MYL2: variants seen among roughly 807,000 people sequenced by gnomAD.
The protein encoded by MYL2 is myosin light chain 2.
A neutral mutation model predicts 23.0 loss-of-function variants in MYL2; 19 were observed. The ratio of observed to expected loss-of-function variants is 0.83; its 90% CI spans 0.58 to 1.21. The LOEUF is 1.21. MYL2 is among the 50% of genes most tolerant of loss of function. MYL2 has a pLI of 0.00. For synonymous variants in MYL2, 78 were observed against 76.2 expected, an observed-to-expected ratio of 1.02 and a Z score of -0.13; for missense variants, 180 against 215.1, an observed-to-expected ratio of 0.84 and a Z score of 1.02.
At chr12:110,913,665 T>C (rs2071669151) in intron 4 of MYL2, among the ~76,000 whole-genome samples, 1 of 152,216 alleles carries the variant, frequency 6.6e-6, no homozygotes, top group East Asian at 1.9e-4. Context: ...TCCTAGTTGC[T>C]ATTAAGTGGG....
rs936183503 is a variant in MYL2, at chr12:110,911,009, G to A, written c.*68C>T. On this transcript the variant is annotated 3_prime_UTR_variant, in exon 7 of 7. Coordinates refer to ENST00000228841, the MANE Select transcript of MYL2 (RefSeq NM_000432.4). The stretch of plus-strand genomic sequence containing the variant: ...CAAGGTAGGGACAGAGGCGGTACTC[G>A]GGGGAGAGAGATGAGGGCAGGGACC... 25 of 1,365,608 alleles carry A rather than the reference G, an allele frequency of 1.8e-5. No homozygotes were observed. Among genetic ancestry groups the A allele is most frequent in the Middle Eastern group, 3.6e-4 (2 of 5,630 alleles). 84.6% of individuals were successfully genotyped at this position (1,365,608 alleles called of 1,614,324 possible). A position where few individuals can be genotyped will look rare whatever the true frequency, so the allele number is the denominator to read the frequency against.
At position 110,914,297 on chromosome 12, in the gene MYL2, T is replaced by C. The variant is rs745773458; in HGVS notation, c.170-7A>G. 1.2e-6 allele frequency: 2 copies of C among 1,602,934 alleles called. No homozygotes were observed. The highest frequency in any genetic ancestry group is 1.1e-5 in the South Asian group (1 of 90,868). On this transcript the variant is annotated splice_polypyrimidine_tract_variant and splice_region_variant and intron_variant, in intron 3 of 6. Coordinates refer to ENST00000228841, the MANE Select transcript of MYL2 (RefSeq NM_000432.4). Reference sequence around the variant, plus strand: ...TTTTTCACGTTCACTCGCCCTAGGGTAGGAAACACACACTCAGGGACTCCG... The same window carrying C: ...TTTTTCACGTTCACTCGCCCTAGGGCAGGAAACACACACTCAGGGACTCCG...
chr12:110,919,217 A>G, intron 1 of MYL2, 24 bp from the exon 2 acceptor site: 1 of 1,605,586 alleles, frequency 6.2e-7, no homozygotes, highest in East Asian at 2.2e-5. Context: ...GCATCGATTA[A>G]AAGAGTGAGA....
chr12:110,918,975 G>A lies in MYL2; in HGVS notation c.93+129C>T, dbSNP rs2071702831. Reference sequence around the variant, plus strand: ...AAAAATTCACACATCCGTTCAGGCCGAATTTGGGATTGTTTGGAGGATAGA... The same window carrying A: ...AAAAATTCACACATCCGTTCAGGCCAAATTTGGGATTGTTTGGAGGATAGA... On this transcript the variant is annotated intron_variant, in intron 2 of 6. Transcript: ENST00000228841. This position sits in a 1 kb window ranked among gnomAD's most constrained non-coding sequence, Gnocchi z 4.4. 7.4e-6 allele frequency: 6 copies of A among 806,730 alleles called. No homozygotes were observed. Among genetic ancestry groups the A allele is most frequent in the South Asian group, 4.6e-5 (3 of 65,378 alleles). The allele number at this position is 806,730 out of a possible 1,614,324, so 50.0% of individuals were successfully genotyped here. A position where few individuals can be genotyped will look rare whatever the true frequency, so the allele number is the denominator to read the frequency against.
At chr12:110,919,948 A>C (rs1362912001) in intron 1 of MYL2, among the ~76,000 whole-genome samples, 1 of 152,172 alleles carries the variant, frequency 6.6e-6, no homozygotes, top group African/African-American at 2.4e-5. Context: ...CCAAGATCAC[A>C]CAGCCACACA....
intron 1 of MYL2, among the ~76,000 whole-genome samples, chr12:110,920,064 T>C (rs577454304): frequency 7.2e-5 from 11 of 152,224 alleles, no homozygotes; most frequent in Non-Finnish European, 4.4e-5. Context: ...CCTCCTGTGC[T>C]GACCCTGATT....
chr12:110,910,989 T>C lies in MYL2; in HGVS notation c.*88A>G, dbSNP rs2071645954. 8.3e-7 allele frequency: 1 copy of C among 1,200,128 alleles called. No individual in the cohort carries two copies. Among genetic ancestry groups the C allele is most frequent in the Non-Finnish European group, 1.2e-6 (1 of 805,858 alleles). 74.3% of individuals were successfully genotyped at this position (1,200,128 alleles called of 1,614,324 possible). ...GCAGCCACATGGCTAACAGACAAGG[T>C]AGGGACAGAGGCGGTACTCGGGGGA... is the stretch of plus-strand genomic sequence containing the variant. On this transcript the variant is annotated 3_prime_UTR_variant, in exon 7 of 7. Transcript: ENST00000228841.
chr12:110,913,297 T>C lies in MYL2; in HGVS notation c.302A>G (p.Asn101Ser), dbSNP rs886048960. ...TTCAGGGTCAAACACTTTGAATGCGTTGAGAATGGTTTCCTCAGGGTCCGC... is the reference window on the plus strand; with the variant it reads ...TTCAGGGTCAAACACTTTGAATGCGCTGAGAATGGTTTCCTCAGGGTCCGC... ...KGADPEETILNAFKVFDPEGK... is the reference protein window; with the variant it reads ...KGADPEETILSAFKVFDPEGK... The change falls in exon 5 of 7, where the codon AAC becomes AGC. Residue 101 changes from asparagine to serine, a missense_variant. Transcript: ENST00000228841. The C allele has an allele frequency of 1.9e-6, 3 of 1,614,204 alleles. No individual in the cohort carries two copies. The highest frequency in any genetic ancestry group is 2.2e-5 in the East Asian group (1 of 44,878).
chr12:110,914,030 T>C (rs1360902342), intron 4 of MYL2, among the ~76,000 whole-genome samples, 156 bp downstream of exon 4: 1 of 152,178 alleles, frequency 6.6e-6, no homozygotes, highest in African/African-American at 2.4e-5. Context: ...GTGCTGGGGA[T>C]TACAGGCATC....
chr12:110,913,205 C>A lies in MYL2; in HGVS notation c.353+41G>T, dbSNP rs201058436. ...GTGTGTGTGTAGGGGGGACAGGGGG[C>A]AAGCAGGGAACCCCCTTCCTCCCCC... On this transcript the variant is annotated intron_variant, in intron 5 of 6. Coordinates refer to ENST00000228841, the MANE Select transcript of MYL2 (RefSeq NM_000432.4). The A allele has an allele frequency of 4.2e-4, 675 of 1,606,546 alleles. 1 individual carries two copies. In the East Asian group the frequency reaches 6.9e-3, roughly 16 times the overall value.
At position 110,918,690 on chromosome 12, in the gene MYL2, G is replaced by A. The variant is rs947634817; in HGVS notation, c.93+414C>T. 2 of 167,950 alleles carry A rather than the reference G, an allele frequency of 1.2e-5. No individual in the cohort carries two copies. Among genetic ancestry groups the A allele is most frequent in the African/African-American group, 4.8e-5 (2 of 41,638 alleles). 10.4% of individuals were successfully genotyped at this position (167,950 alleles called of 1,614,324 possible). Reference sequence around the variant, plus strand: ...AAATACATGATAGGAAATGTTAATGGTGAATTTCTCAACGAAAAAAATGCA... The same window carrying A: ...AAATACATGATAGGAAATGTTAATGATGAATTTCTCAACGAAAAAAATGCA... On this transcript the variant is annotated intron_variant, in intron 2 of 6. Transcript: ENST00000228841. The surrounding 1 kb of genome is among the most constrained non-coding windows in gnomAD (Gnocchi z 4.4).
intron 4 of MYL2, among the ~76,000 whole-genome samples, chr12:110,913,699 A>T (rs2071669444): frequency 6.6e-6 from 1 of 152,190 alleles, no homozygotes; most frequent in Admixed American, 6.5e-5. Flanking sequence ...AGTGGTTAGC[A>T]TGAGGTCTGA....
At chr12:110,915,618 A>C (rs1033353005) in intron 3 of MYL2, 97 bp downstream of exon 3, 4 of 1,268,642 alleles carry the variant, frequency 3.2e-6, no homozygotes, top group Non-Finnish European at 4.6e-6. Flanking sequence ...TCTTTGGGAA[A>C]TGACACCATC....
rs763957786 is a variant in MYL2, at chr12:110,919,190, G to T, written c.7C>A (p.Pro3Thr). The T allele has an allele frequency of 6.2e-7, 1 of 1,613,178 alleles. No individual in the cohort carries two copies. The highest frequency in any genetic ancestry group is 8.5e-7 in the Non-Finnish European group (1 of 1,179,908). ...CCGGCTCTCTTCTTTGCTTTCTTAG[G>T]TGCCTGGGGGAAAAAAGCATCGATT... Reference protein sequence around the residue: MAPKKAKKRAGGA... With the variant: MATKKAKKRAGGA... Residue 3 changes from proline (P) to threonine (T), a missense_variant, in exon 2 of 7, where the codon CCT becomes ACT. Transcript: ENST00000228841.
intron 2 of MYL2, among the ~76,000 whole-genome samples, chr12:110,916,548 T>C (rs2136774923): frequency 6.6e-6 from 1 of 152,300 alleles, no homozygotes; most frequent in Admixed American, 6.5e-5. Flanking sequence ...AAAACATCAG[T>C]GAAAGAAGCC....
At chr12:110,919,243 A>C (rs2071705522) in intron 1 of MYL2, 50 bp from the exon 2 acceptor site, 2 of 1,529,540 alleles carry the variant, frequency 1.3e-6, no homozygotes, top group Admixed American at 1.7e-5. Flanking sequence ...GGAGTCAAAA[A>C]ACTAGGTCAG....
At chr12:110,917,364 C>T (rs956449399) in intron 2 of MYL2, among the ~76,000 whole-genome samples, 6 of 151,108 alleles carry the variant, frequency 4.0e-5, no homozygotes, top group Admixed American at 1.3e-4. Flanking sequence ...GAGGCCGAGG[C>T]GGAGGGATCA....
At chr12:110,915,625 C>T (rs2071683049) in intron 3 of MYL2, 90 bp downstream of exon 3, 15 of 1,320,502 alleles carry the variant, frequency 1.1e-5, no homozygotes, top group South Asian at 4.7e-5. Context: ...GAAATGACAC[C>T]ATCTTGAGCT....
At chr12:110,920,241 G>A (rs917184328) in intron 1 of MYL2, among the ~76,000 whole-genome samples, 3 of 152,180 alleles carry the variant, frequency 2.0e-5, no homozygotes, top group Non-Finnish European at 4.4e-5. Context: ...ATCCCATTTT[G>A]CAAGTCCTGG....
Sources: allele counts gnomAD v4.1 joint callset (sites outside exome capture counted in the v4.1 genomes callset), GRCh38; gene constraint gnomAD v4.1.1; non-coding constraint Gnocchi (gnomAD v3.1); transcripts MANE v1.5; gene names NCBI Gene and HGNC (gene_info 2026-07-23, HGNC 2026-07-21).